The following ZNF253 variants were observed in gnomAD, a reference collection of about 807,000 sequenced individuals.
The protein encoded by ZNF253 is zinc finger protein 253, also known as DNA-binding protein.
A neutral mutation model predicts 11.9 loss-of-function variants in ZNF253; 8 were observed. That is an observed-to-expected ratio of 0.67 (90% CI 0.40 to 1.22). The LOEUF is 1.22. Ranked by LOEUF, ZNF253 falls within the 50% of genes most tolerant of loss-of-function variation. The pLI, the probability that ZNF253 is intolerant of heterozygous loss-of-function variation, is 0.01. For missense variants in ZNF253, 485 were observed against 586.9 expected (o/e 0.83, Z 1.79); for synonymous variants, 194 against 194.9 (o/e 1.00, Z 0.04).
chr19:19,876,014 G>A (rs1223441753), intron 1 of ZNF253, among the ~76,000 whole-genome samples: 2 of 152,116 alleles, frequency 1.3e-5, no homozygotes, highest in Non-Finnish European at 2.9e-5. Flanking sequence ...GCTGCTTTCT[G>A]TTTCTTCTGT....
At chr19:19,885,012 T>G (rs2122126990) in intron 3 of ZNF253, among the ~76,000 whole-genome samples, 1 of 152,316 alleles carries the variant, frequency 6.6e-6, no homozygotes, top group Non-Finnish European at 1.5e-5. Context: ...ATTTATATAT[T>G]TTGAATATTA....
At chr19:19,888,811 A>G (rs1393871501) in intron 3 of ZNF253, among the ~76,000 whole-genome samples, 1 of 152,176 alleles carries the variant, frequency 6.6e-6, no homozygotes, top group African/African-American at 2.4e-5. Context: ...ATGTATTTTC[A>G]TATGATCATG....
chr19:19,888,356 G>A lies in ZNF253; in HGVS notation c.227-3118G>A, dbSNP rs187731878. Among the ~76,000 whole-genome samples the A allele has an allele frequency of 6.2e-4, 95 of 152,102 alleles. No individual in the cohort carries two copies. In the East Asian group the frequency reaches 0.015, roughly 24 times the overall value. On this transcript the variant is annotated intron_variant, in intron 3 of 3. Coordinates refer to ENST00000589717, the MANE Select transcript of ZNF253 (RefSeq NM_021047.3). ...TGGGATTACAGGCGTGAGCGACTGCGCCTGGCCAACGTTATTTTATTGTTT... is the reference window on the plus strand; with the variant it reads ...TGGGATTACAGGCGTGAGCGACTGCACCTGGCCAACGTTATTTTATTGTTT...
In ZNF253 at chr19:19,885,260, T is replaced by TGAGATGGAG. The variant is rs1568498646; in HGVS notation, c.226+5114_226+5115insGAGATGGAG. Among the ~76,000 whole-genome samples, 10 of 68,004 alleles carry TGAGATGGAG rather than the reference T, an allele frequency of 1.5e-4. 1 individual carries two copies. In the African/African-American group the frequency reaches 1.6e-3, roughly 11 times the overall value. The allele number at this position is 68,004 out of a possible 152,430, so 44.6% of individuals were successfully genotyped here. A position where few individuals can be genotyped will look rare whatever the true frequency, so the allele number is the denominator to read the frequency against. ...CTTTCTTTCTTTCTTTCTTTCTTTC[T>TGAGATGGAG]TTCTTTCTTTCTTTCTTTCTTTCTT... is the stretch of plus-strand genomic sequence containing the variant. On this transcript the variant is annotated intron_variant, in intron 3 of 3. Transcript: ENST00000589717.
Position 19,885,573 on chromosome 19 carries a change from A to G in ZNF253, c.226+5427A>G, listed in dbSNP as rs569673037. 2.5e-3 allele frequency among the ~76,000 whole-genome samples: 376 copies of G among 151,762 alleles called. 2 individuals are homozygous for G. In the Middle Eastern group the frequency reaches 0.031, roughly 12 times the overall value. On this transcript the variant is annotated intron_variant, in intron 3 of 3. Coordinates refer to ENST00000589717, the MANE Select transcript of ZNF253 (RefSeq NM_021047.3). ...GCCCGGCTAAGTTTTTTGTATTTTT[A>G]ATAGAGACGGGGTTTCACCATGTTA...
chr19:19,872,585 A>ATTATATATATATATATATTATTAT (rs59790297), intron 1 of ZNF253, among the ~76,000 whole-genome samples: 1 of 90,478 alleles, frequency 1.1e-5, no homozygotes, highest in African/African-American at 6.1e-5. Context: ...ATATATTATT[A>ATTATATATATATATATATTATTAT]TATATATATA....
intron 3 of ZNF253, among the ~76,000 whole-genome samples, chr19:19,880,615 G>T (rs763233313): frequency 1.3e-5 from 2 of 151,780 alleles, no homozygotes; most frequent in Non-Finnish European, 2.9e-5. Context: ...TGAGTCAGGA[G>T]AATCATTTGA....
chr19:19,878,693 C>T (rs1240895915), intron 2 of ZNF253, 86 bp downstream of exon 2: 1 of 1,472,648 alleles, frequency 6.8e-7, no homozygotes, highest in Admixed American at 2.2e-5. Context: ...GTAATTTATT[C>T]TTTGCAAAGT....
intron 3 of ZNF253, among the ~76,000 whole-genome samples, chr19:19,891,149 C>T (rs754102831): frequency 1.6e-4 from 25 of 152,194 alleles, no homozygotes; most frequent in Non-Finnish European, 3.5e-4. Flanking sequence ...TGGCAATTTA[C>T]TTTTAAAAGC....
At chr19:19,878,011 C>T (rs376861778) in intron 1 of ZNF253, among the ~76,000 whole-genome samples, 20 of 151,980 alleles carry the variant, frequency 1.3e-4, no homozygotes, top group Non-Finnish European at 2.2e-4. Flanking sequence ...CAAAAACATT[C>T]GCATTAGAGA....
intron 1 of ZNF253, among the ~76,000 whole-genome samples, chr19:19,872,504 T>C (rs1193607141): frequency 7.0e-6 from 1 of 143,284 alleles, no homozygotes; most frequent in Non-Finnish European, 1.5e-5. Flanking sequence ...CACAGGTAGC[T>C]ATAAATTAAG....
chr19:19,880,280 T>TG, intron 3 of ZNF253, 134 bp downstream of exon 3: 1 of 506,082 alleles, frequency 2.0e-6, no homozygotes, highest in Non-Finnish European at 3.3e-6. Context: ...GCTGTTTTTT[T>TG]TTTTTTTTTT....
rs117585996 is a variant in ZNF253 at position 19,876,727 on chromosome 19, T to C, written c.4-1754T>C. 3.1e-4 allele frequency among the ~76,000 whole-genome samples: 47 copies of C among 152,098 alleles called. No individual in the cohort carries two copies. In the East Asian group the frequency reaches 9.1e-3, roughly 29 times the overall value. On this transcript the variant is annotated intron_variant, in intron 1 of 3. Transcript: ENST00000589717. The stretch of plus-strand genomic sequence containing the variant: ...GAAGCAAGAGAGGGAAAAGTGGCTT[T>C]TCTGTTTCAGATCAAGAGCTGTATT...
At position 19,892,273 on chromosome 19, in the gene ZNF253, TG is replaced by T; in HGVS notation, c.1027del (p.Glu343LysfsTer97). The T allele has an allele frequency of 6.2e-7, 1 of 1,613,222 alleles. No individual in the cohort carries two copies. Among genetic ancestry groups the T allele is most frequent in the South Asian group, 1.1e-5 (1 of 91,036 alleles). On this transcript the variant is annotated frameshift_variant, in exon 4 of 4. Coordinates refer to ENST00000589717, the MANE Select transcript of ZNF253 (RefSeq NM_021047.3). LOFTEE classifies it low-confidence loss of function (END_TRUNC). ...IHTGEKPYKC[E>X]ECGKAFHLSS... Reference sequence around the variant, plus strand: ...ATACAGGAGAGAAACCCTACAAATGTGAAGAATGTGGCAAAGCCTTTCACCT... The same window carrying T: ...ATACAGGAGAGAAACCCTACAAATGTAAGAATGTGGCAAAGCCTTTCACCT...
Position 19,866,008 on chromosome 19 carries a change from C to T in ZNF253, c.3+9C>T. 6.2e-7 allele frequency: 1 copy of T among 1,614,116 alleles called. No homozygotes were observed. Among genetic ancestry groups the T allele is most frequent in the Non-Finnish European group, 8.5e-7 (1 of 1,180,014 alleles). ...CTGGAAGCCTAGAAATGGTGAGTGC[C>T]GGGTCCAACGTCCCGAGAGAGGGGA... On this transcript the variant is annotated intron_variant, in intron 1 of 3. Coordinates refer to ENST00000589717, the MANE Select transcript of ZNF253 (RefSeq NM_021047.3).
intron 1 of ZNF253, among the ~76,000 whole-genome samples, chr19:19,870,443 CAT>C (rs1362409987): frequency 5.3e-5 from 8 of 150,060 alleles, no homozygotes; most frequent in African/African-American, 7.3e-5. Context: ...TAAAATTATT[CAT>C]AGTTAGATAT....
chr19:19,879,815 C>T (rs1044882927), intron 2 of ZNF253, among the ~76,000 whole-genome samples: 4 of 152,052 alleles, frequency 2.6e-5, no homozygotes, highest in African/African-American at 9.7e-5. Context: ...AATATTGTTG[C>T]CCCACCTGAA....
intron 3 of ZNF253, among the ~76,000 whole-genome samples, chr19:19,888,344 G>A (rs927501723): frequency 6.6e-6 from 1 of 152,086 alleles, no homozygotes; most frequent in East Asian, 1.9e-4. Flanking sequence ...GATTACAGGC[G>A]TGAGCGACTG....
At chr19:19,878,679 G>T in intron 2 of ZNF253, 72 bp downstream of exon 2, 3 of 1,517,484 alleles carry the variant, frequency 2.0e-6, no homozygotes, top group East Asian at 2.3e-5. Flanking sequence ...TAGAATGTTT[G>T]TTAGTAATTT....
Sources: gnomAD v4.1 joint callset for allele counts (sites outside exome capture counted in the v4.1 genomes callset) on GRCh38, gnomAD v4.1.1 for gene constraint, MANE v1.5 for transcripts, NCBI Gene and HGNC (gene_info 2026-07-23, HGNC 2026-07-21) for gene names.